Variants in TMC3 observed in about 807,000 individuals in gnomAD.
The protein encoded by TMC3 is transmembrane channel like 3, also known as transmembrane channel-like protein 3.
A neutral mutation model predicts 110.6 loss-of-function variants in TMC3; 98 were observed. The ratio of observed to expected loss-of-function variants is 0.89; its 90% CI spans 0.75 to 1.05. The LOEUF is 1.05. Among genes scored for constraint, TMC3 ranks in the 50% least tolerant of loss-of-function variants. The pLI, the probability that TMC3 is intolerant of heterozygous loss-of-function variation, is 0.00. For synonymous variants in TMC3, 489 were observed against 513.1 expected (o/e 0.95, Z 0.63); for missense variants, 1,319 against 1,373.2 (o/e 0.96, Z 0.62).
chr15:81,335,426 CT>C (rs1411158056), intron 20 of TMC3, among the ~76,000 whole-genome samples: 10 of 152,358 alleles, frequency 6.6e-5, no homozygotes, highest in African/African-American at 2.4e-4. Flanking sequence ...TGGATTCTGG[CT>C]TTTGAAGGTG....
In TMC3 at chr15:81,372,598, C is replaced by T; in HGVS notation, c.229G>A (p.Ala77Thr). The change falls in exon 2 of 22, where the codon GCA becomes ACA. Residue 77 changes from alanine (A) to threonine (T), a missense_variant. Coordinates refer to ENST00000359440, the MANE Select transcript of TMC3 (RefSeq NM_001080532.3). ...RPWTMGQKLR[A>T]LRQAKNIVLK... ...GGCCATTGAGGCCCTTACCTCAATG[C>T]CCTCAGCTTCTGTCCCATAGTCCAG... The T allele has an allele frequency of 6.2e-7, 1 of 1,613,374 alleles. No individual in the cohort carries two copies. Among genetic ancestry groups the T allele is most frequent in the Non-Finnish European group, 8.5e-7 (1 of 1,179,866 alleles).
At chr15:81,340,538 A>C (rs1893692947) in intron 16 of TMC3, among the ~76,000 whole-genome samples, 2 of 152,254 alleles carry the variant, frequency 1.3e-5, no homozygotes, top group Admixed American at 6.5e-5. Context: ...AAGTAAAATA[A>C]CTGAATCAAA....
chr15:81,354,462 A>G (rs1413368818), intron 9 of TMC3, among the ~76,000 whole-genome samples: 1 of 152,186 alleles, frequency 6.6e-6, no homozygotes, highest in Non-Finnish European at 1.5e-5. Context: ...GGTTCAGGGT[A>G]GCTCCATGAG....
chr15:81,349,424 C>T, intron 11 of TMC3, 34 bp downstream of exon 11: 1 of 1,380,602 alleles, frequency 7.2e-7, no homozygotes, highest in South Asian at 1.8e-5. Context: ...CATGGGTGAG[C>T]CACAGGTGGC....
chr15:81,372,568 A>G (rs765246289), intron 2 of TMC3, 23 bp downstream of exon 2: 20 of 1,612,554 alleles, frequency 1.2e-5, no homozygotes, highest in East Asian at 2.2e-5. Flanking sequence ...GTAATGATCA[A>G]TAATGGCCAT....
chr15:81,368,302 A>G lies in TMC3; in HGVS notation c.263T>C (p.Phe88Ser), dbSNP rs746832271. 2.5e-6 allele frequency: 4 copies of G among 1,613,662 alleles called. No homozygotes were observed. The highest frequency in any genetic ancestry group is 3.3e-5 in the Admixed American group (2 of 60,012). ...TCGGGTCCTGGTCAGCCTCCCTTCA[A>G]ACTTCAGCACAATGTTCTTCGCTTG... ...LRQAKNIVLKFEGRLTRTRGY... is the reference protein window; with the variant it reads ...LRQAKNIVLKSEGRLTRTRGY... The change falls in exon 3 of 22, where the codon TTT becomes TCT. Residue 88 changes from phenylalanine (F) to serine (S), a missense_variant. Phe to Ser is a radical substitution (Grantham distance 155). Transcript: ENST00000359440.
chr15:81,351,707 C>T lies in TMC3; in HGVS notation c.1070G>A (p.Trp357Ter). 1.3e-6 allele frequency: 2 copies of T among 1,555,190 alleles called. No individual in the cohort carries two copies. The highest frequency in any genetic ancestry group is 1.7e-6 in the Non-Finnish European group (2 of 1,149,022). ...LEQSKKELTLWEKNEVSVVVS... is the reference protein window; with the variant it reads ...LEQSKKELTL ...GGCAGTGGGTACCTCATTCTTTTCC[C>T]AAAGTGTCAGCTCCTTCTTCGACTG... Residue 357 changes from tryptophan to a stop codon, truncating the protein, a stop_gained, in exon 10 of 22, where the codon TGG becomes TAG. Coordinates refer to ENST00000359440, the MANE Select transcript of TMC3 (RefSeq NM_001080532.3). LOFTEE classifies it high-confidence loss of function.
Position 81,374,153 on chromosome 15 carries a change from G to T in TMC3, c.-76C>A. ...TTGGCAGGCAAAGGTCTGTTCCGAG[G>T]TTTCTGAATGGAAGCAGCGGAGTTT... On this transcript the variant is annotated 5_prime_UTR_variant, in exon 1 of 22. Coordinates refer to ENST00000359440, the MANE Select transcript of TMC3 (RefSeq NM_001080532.3). The T allele has an allele frequency of 1.5e-6, 2 of 1,324,588 alleles. No homozygotes were observed. Among genetic ancestry groups the T allele is most frequent in the Non-Finnish European group, 1.1e-6 (1 of 932,270 alleles). 82.1% of individuals were successfully genotyped at this position (1,324,588 alleles called of 1,614,324 possible). A position where few individuals can be genotyped will look rare whatever the true frequency, so the allele number is the denominator to read the frequency against.
intron 3 of TMC3, among the ~76,000 whole-genome samples, chr15:81,364,732 TAAAA>T (rs369804224): frequency 6.9e-6 from 1 of 144,804 alleles, no homozygotes; most frequent in African/African-American, 2.6e-5. Flanking sequence ...AAAACTGTAA[TAAAA>T]AAAAAATTTA....
At position 81,339,428 on chromosome 15, in the gene TMC3, G is replaced by T; in HGVS notation, c.1921C>A (p.Arg641=). ...CCACAGTTTAGAGATGGCTTGTATC[G>T]GACAATAGCAAAAATGGTTGGCAGC... ...CMLPTIFAIV[R]YKPSLNCGPF... Residue 641 remains arginine, a synonymous_variant, in exon 17 of 22, where the codon CGA becomes AGA. Coordinates refer to ENST00000359440, the MANE Select transcript of TMC3 (RefSeq NM_001080532.3). The T allele has an allele frequency of 6.2e-7, 1 of 1,611,212 alleles. No homozygotes were observed. Among genetic ancestry groups the T allele is most frequent in the Non-Finnish European group, 8.5e-7 (1 of 1,178,716 alleles).
At position 81,334,836 on chromosome 15, in the gene TMC3, A is replaced by G; in HGVS notation, c.2343T>C (p.Ser781=). Residue 781 remains serine, a synonymous_variant, in exon 21 of 22, where the codon AGT becomes AGC. Coordinates refer to ENST00000359440, the MANE Select transcript of TMC3 (RefSeq NM_001080532.3). ...ACTGTGCGACTGTCTCTATCCTGCC[A>G]CTCTTGCTGCTCCCTGAGTCAAAAT... The part of the protein sequence containing the change: ...VAHFDSGSSK[S]GRIETVAQSM... The G allele has an allele frequency of 2.5e-6, 4 of 1,613,652 alleles. No individual in the cohort carries two copies. Among genetic ancestry groups the G allele is most frequent in the Non-Finnish European group, 3.4e-6 (4 of 1,179,830 alleles).
chr15:81,352,168 G>T (rs1440311458), intron 9 of TMC3, among the ~76,000 whole-genome samples: 1 of 152,232 alleles, frequency 6.6e-6, no homozygotes, highest in East Asian at 1.9e-4. Flanking sequence ...CTTGTGGTAT[G>T]CACATTAAAG....
At position 81,341,498 on chromosome 15, in the gene TMC3, G is replaced by A. The variant is rs1893714835; in HGVS notation, c.1736C>T (p.Pro579Leu). The stretch of plus-strand genomic sequence containing the variant: ...GAGAACGTTGAACGCTGGGAGACAT[G>A]GGGAGAAGAAGGCCCCCATCCTGGA... ...GMIWMGAFFSPCLPAFNVLKL... is the reference protein window; with the variant it reads ...GMIWMGAFFSLCLPAFNVLKL... The change falls in exon 16 of 22, where the codon CCA becomes CTA. Residue 579 changes from proline to leucine, a missense_variant. Physicochemically the swap from Pro to Leu is moderately conservative, Grantham distance 98. Coordinates refer to ENST00000359440, the MANE Select transcript of TMC3 (RefSeq NM_001080532.3). 1 of 1,610,656 alleles carries A rather than the reference G, an allele frequency of 6.2e-7. No homozygotes were observed. The highest frequency in any genetic ancestry group is 8.5e-7 in the Non-Finnish European group (1 of 1,178,386).
rs746274426 is a variant in TMC3, at chr15:81,332,994, TG to T, written c.2727del (p.Phe909LeufsTer3). Reference sequence around the variant, plus strand: ...ACAATGTCACCTGAAGCATCTATCTTGAAATGTCTTTCTGGCCAGACATTTA... The same window carrying T: ...ACAATGTCACCTGAAGCATCTATCTTAAATGTCTTTCTGGCCAGACATTTA... The part of the protein sequence containing the change: ...KHLNVWPERH[F>X]KIDASGDIVE... On this transcript the variant is annotated frameshift_variant, in exon 22 of 22. Coordinates refer to ENST00000359440, the MANE Select transcript of TMC3 (RefSeq NM_001080532.3). LOFTEE classifies it low-confidence loss of function (END_TRUNC). The T allele has an allele frequency of 9.3e-6, 15 of 1,613,626 alleles. No individual in the cohort carries two copies. Among genetic ancestry groups the T allele is most frequent in the Non-Finnish European group, 2.5e-6 (3 of 1,179,750 alleles).
At chr15:81,358,691 C>T (rs1203423712) in intron 5 of TMC3, among the ~76,000 whole-genome samples, 191 bp from the exon 6 acceptor site, 1 of 152,152 alleles carries the variant, frequency 6.6e-6, no homozygotes, top group Admixed American at 6.6e-5. Context: ...CTGATTAGAG[C>T]TCACCTGGAT....
At position 81,351,774 on chromosome 15, in the gene TMC3, A is replaced by G; in HGVS notation, c.1003T>C (p.Tyr335His). The G allele has an allele frequency of 6.2e-7, 1 of 1,606,274 alleles. No individual in the cohort carries two copies. Among genetic ancestry groups the G allele is most frequent in the Non-Finnish European group, 8.5e-7 (1 of 1,176,484 alleles). Residue 335 changes from tyrosine (Y) to histidine (H), a missense_variant, in exon 10 of 22, where the codon TAT becomes CAT. By Grantham distance (83) the Tyr-to-His change is moderately conservative. Coordinates refer to ENST00000359440, the MANE Select transcript of TMC3 (RefSeq NM_001080532.3). ...LVLLSLAGSI[Y>H]LIYFVVDRSQ... Reference sequence around the variant, plus strand: ...CGGTCCACCACAAAGTAGATGAGATAAATGCTCCCAGCCAGTGAGAGAAGC... The same window carrying G: ...CGGTCCACCACAAAGTAGATGAGATGAATGCTCCCAGCCAGTGAGAGAAGC...
chr15:81,340,520 A>G (rs954659211), intron 16 of TMC3, among the ~76,000 whole-genome samples: 1 of 152,252 alleles, frequency 6.6e-6, no homozygotes, highest in Non-Finnish European at 1.5e-5. Context: ...ACACATAACC[A>G]TATGTCAAAG....
intron 3 of TMC3, among the ~76,000 whole-genome samples, chr15:81,363,172 A>G (rs1894228299): frequency 6.6e-6 from 1 of 150,532 alleles, no homozygotes; most frequent in Non-Finnish European, 1.5e-5. Flanking sequence ...AATCGCTTGA[A>G]CCCGGGAGGC....
At position 81,351,790 on chromosome 15, in the gene TMC3, TGA is replaced by T; in HGVS notation, c.985_986del (p.Ser329ThrfsTer32). ...AGATGAGATAAATGCTCCCAGCCAG[TGA>T]GAGAAGCACCAGGATGTTGGCAATA... is the stretch of plus-strand genomic sequence containing the variant. ...RIIANILVLL[S>X]LAGSIYLIYF... On this transcript the variant is annotated frameshift_variant, in exon 10 of 22. Coordinates refer to ENST00000359440, the MANE Select transcript of TMC3 (RefSeq NM_001080532.3). LOFTEE classifies it high-confidence loss of function. 1 of 1,610,310 alleles carries T rather than the reference TGA, an allele frequency of 6.2e-7. No individual in the cohort carries two copies. Among genetic ancestry groups the T allele is most frequent in the Non-Finnish European group, 8.5e-7 (1 of 1,178,412 alleles).
Sources: allele counts gnomAD v4.1 joint callset (sites outside exome capture counted in the v4.1 genomes callset), GRCh38; gene constraint gnomAD v4.1.1; transcripts MANE v1.5; gene names NCBI Gene and HGNC (gene_info 2026-07-23, HGNC 2026-07-21).